SPTBN1: variants seen among roughly 807,000 people sequenced by gnomAD.
The protein encoded by SPTBN1 is spectrin beta chain, non-erythrocytic 1.
In SPTBN1, 32 loss-of-function variants were observed where a neutral mutation model predicts 266.4. The ratio of observed to expected loss-of-function variants is 0.12; its 90% CI spans 0.09 to 0.16. The LOEUF is 0.16. SPTBN1 is among the 10% of genes least tolerant of loss of function. The probability of loss-of-function intolerance (pLI) is 1.00; values close to 1 mark genes in which losing one functional copy is unlikely to be tolerated. For missense variants in SPTBN1, 2,296 were observed against 3,067.1 expected, an observed-to-expected ratio of 0.75 and a Z score of 5.94; for synonymous variants, 1,336 against 1,162.2, an observed-to-expected ratio of 1.15 and a Z score of -3.04.
At position 54,644,429 on chromosome 2, in the gene SPTBN1, C is replaced by T. The variant is rs1383719840; in HGVS notation, c.4112C>T (p.Thr1371Ile). 15 of 1,614,250 alleles carry T rather than the reference C, an allele frequency of 9.3e-6. No homozygotes were observed. The highest frequency in any genetic ancestry group is 1.2e-5 in the Non-Finnish European group (14 of 1,180,046). Residue 1371 changes from threonine (T) to isoleucine (I), a missense_variant, in exon 20 of 36, where the codon ACA becomes ATA. Around this residue, in one of 12 missense-constraint regions of SPTBN1, gnomAD observed 386 missense variants for 486.1 expected, o/e 0.79. Transcript: ENST00000356805. ...GAAGTCCTTGAATCCACTACCCAGACAAAGGCCCAGCGGCTCTTTGATGCA... is the reference window on the plus strand; with the variant it reads ...GAAGTCCTTGAATCCACTACCCAGATAAAGGCCCAGCGGCTCTTTGATGCA... The part of the protein sequence containing the change: ...MWEVLESTTQ[T>I]KAQRLFDANK...
At chr2:54,634,199 G>A (rs1217532498) in intron 17 of SPTBN1, among the ~76,000 whole-genome samples, 5 of 152,226 alleles carry the variant, frequency 3.3e-5, no homozygotes, top group Non-Finnish European at 1.5e-5. Context: ...ATTCAGGCAG[G>A]CATGCAGCTG....
intron 8 of SPTBN1, among the ~76,000 whole-genome samples, chr2:54,622,041 G>T (rs1404034556): frequency 6.6e-6 from 1 of 152,112 alleles, no homozygotes; most frequent in African/African-American, 2.4e-5. Context: ...GAATCTCTTT[G>T]CTTGGGGGTT....
At chr2:54,462,942 C>A (rs747892191) in intron 1 of SPTBN1, among the ~76,000 whole-genome samples, 1 of 152,208 alleles carries the variant, frequency 6.6e-6, no homozygotes, top group South Asian at 2.1e-4. Flanking sequence ...AACTACCACT[C>A]GATTAAATCT....
intron 1 of SPTBN1, among the ~76,000 whole-genome samples, chr2:54,490,376 T>A (rs1668624921): frequency 6.6e-6 from 1 of 152,178 alleles, no homozygotes; most frequent in Non-Finnish European, 1.5e-5. Flanking sequence ...CTGGCCTGTT[T>A]ATGAAGATTT....
intron 4 of SPTBN1, among the ~76,000 whole-genome samples, chr2:54,615,953 G>T (rs1377368714): frequency 1.3e-5 from 2 of 152,202 alleles, no homozygotes; most frequent in African/African-American, 4.8e-5. Context: ...TGTCTCAGGG[G>T]TAAAAATGAC....
Position 54,645,873 on chromosome 2 carries a change from G to A in SPTBN1, c.4495-55G>A, listed in dbSNP as rs1679895025. The A allele has an allele frequency of 6.3e-7, 1 of 1,592,346 alleles. No homozygotes were observed. The highest frequency in any genetic ancestry group is 1.3e-5 in the African/African-American group (1 of 74,518). On this transcript the variant is annotated intron_variant, in intron 21 of 35. Transcript: ENST00000356805. This position sits in a 1 kb window ranked among gnomAD's most constrained non-coding sequence, Gnocchi z 4.3. ...TCACTGCCCCTCACTGCTCGTTTGT[G>A]TCGTATATTTGTTCCTCTGAGTGGA...
In SPTBN1 at chr2:54,558,027, T is replaced by A. The variant is rs139372978; in HGVS notation, c.148+31461T>A. On this transcript the variant is annotated intron_variant, in intron 2 of 35. Transcript: ENST00000356805. The surrounding 1 kb of genome is among the most constrained non-coding windows in gnomAD (Gnocchi z 4.6). ...CGCGGGCCCGGGACCCTTGGGGCTC[T>A]TCACTCTCCAGGCCGTCCCGTGGGC... 3.1e-4 allele frequency: 308 copies of A among 985,252 alleles called. No individual in the cohort carries two copies. Among genetic ancestry groups the A allele is most frequent in the Middle Eastern group, 2.1e-3 (4 of 1,912 alleles). The allele number at this position is 985,252 out of a possible 1,614,324, so 61.0% of individuals were successfully genotyped here.
chr2:54,594,829 G>GTTTATTTTT (rs566074908), intron 2 of SPTBN1, among the ~76,000 whole-genome samples: 2 of 46,386 alleles, frequency 4.3e-5, no homozygotes, highest in Non-Finnish European at 7.5e-5. Context: ...CCTCTGGTAA[G>GTTTATTTTT]TTTCTTTTTT....
intron 26 of SPTBN1, 63 bp downstream of exon 26, chr2:54,650,052 A>T (rs1399094613): frequency 6.6e-7 from 1 of 1,525,324 alleles, no homozygotes; most frequent in Admixed American, 2.0e-5. Flanking sequence ...ATCTTTGGGC[A>T]TCTGTAAGTA....
chr2:54,597,575 G>A (rs780121683), intron 2 of SPTBN1, among the ~76,000 whole-genome samples: 2 of 152,200 alleles, frequency 1.3e-5, no homozygotes, highest in Non-Finnish European at 2.9e-5. Context: ...GCAGGTGGCC[G>A]GGGATCTTGG....
At chr2:54,578,854 G>A (rs1266819664) in intron 2 of SPTBN1, among the ~76,000 whole-genome samples, 1 of 151,844 alleles carries the variant, frequency 6.6e-6, no homozygotes, top group Non-Finnish European at 1.5e-5. Flanking sequence ...ATTCCTAATA[G>A]GATTGTTGGG....
chr2:54,570,627 T>C (rs912267916), intron 2 of SPTBN1, among the ~76,000 whole-genome samples: 1 of 152,206 alleles, frequency 6.6e-6, no homozygotes, highest in Non-Finnish European at 1.5e-5. Flanking sequence ...GGTGTGTGTG[T>C]GCATGTTGCC....
intron 2 of SPTBN1, among the ~76,000 whole-genome samples, chr2:54,542,620 G>C (rs1672001393): frequency 6.6e-6 from 1 of 152,136 alleles, no homozygotes; most frequent in South Asian, 2.1e-4. Flanking sequence ...GATCCCTCTG[G>C]GGACACTGTG....
At chr2:54,516,753 G>T (rs990009041) in intron 1 of SPTBN1, among the ~76,000 whole-genome samples, 4 of 152,170 alleles carry the variant, frequency 2.6e-5, no homozygotes, top group African/African-American at 9.7e-5. Context: ...TTTTGTCAAG[G>T]TTAGGGACAC....
At position 54,550,988 on chromosome 2, in the gene SPTBN1, C is replaced by T. The variant is rs1672536407; in HGVS notation, c.148+24422C>T. The stretch of plus-strand genomic sequence containing the variant: ...TTCTCCTACCCTCTCCAAGTGCCTG[C>T]CCTACCTGCCCTTTTCACATTTTCT... On this transcript the variant is annotated intron_variant, in intron 2 of 35. Transcript: ENST00000356805. Among the ~76,000 whole-genome samples the T allele has an allele frequency of 1.3e-5, 2 of 152,170 alleles. 1 individual carries two copies. Among genetic ancestry groups the T allele is most frequent in the South Asian group, 4.1e-4 (2 of 4,830 alleles).
Position 54,628,307 on chromosome 2 carries a change from G to A in SPTBN1, c.1798+57G>A. 2.0e-6 allele frequency: 3 copies of A among 1,530,972 alleles called. No individual in the cohort carries two copies. The highest frequency in any genetic ancestry group is 2.6e-6 in the Non-Finnish European group (3 of 1,140,288). The allele number at this position is 1,530,972 out of a possible 1,614,324, so 94.8% of individuals were successfully genotyped here. A position where few individuals can be genotyped will look rare whatever the true frequency, so the allele number is the denominator to read the frequency against. ...GGGTCACCAGAGATTCATATTTATA[G>A]AAACACAGTGGGGCTTTTGAAGTTA... is the stretch of plus-strand genomic sequence containing the variant. On this transcript the variant is annotated intron_variant, in intron 13 of 35. Coordinates refer to ENST00000356805, the MANE Select transcript of SPTBN1 (RefSeq NM_003128.3). The surrounding 1 kb of genome is among the most constrained non-coding windows in gnomAD (Gnocchi z 4.3).
rs540129561 is a variant in SPTBN1 at position 54,540,429 on chromosome 2, G to A, written c.148+13863G>A. Among the ~76,000 whole-genome samples the A allele has an allele frequency of 1.1e-4, 16 of 152,292 alleles. No individual in the cohort carries two copies. The South Asian group carries it at 2.5e-3, about 24-fold the overall frequency. On this transcript the variant is annotated intron_variant, in intron 2 of 35. Transcript: ENST00000356805. This position sits in a 1 kb window ranked among gnomAD's most constrained non-coding sequence, Gnocchi z 5.6. Reference sequence around the variant, plus strand: ...GAAGCCATTACACAGTGACTCACACGTCCTTTACTGTGGATTTGGCCCCTG... The same window carrying A: ...GAAGCCATTACACAGTGACTCACACATCCTTTACTGTGGATTTGGCCCCTG...
chr2:54,654,825 G>A (rs901778683), intron 27 of SPTBN1, among the ~76,000 whole-genome samples: 1 of 152,092 alleles, frequency 6.6e-6, no homozygotes, highest in Non-Finnish European at 1.5e-5. Flanking sequence ...AATTATTCAG[G>A]CACACACACA....
chr2:54,584,650 C>A (rs1477603870), intron 2 of SPTBN1, among the ~76,000 whole-genome samples: 1 of 152,174 alleles, frequency 6.6e-6, no homozygotes, highest in Non-Finnish European at 1.5e-5. Flanking sequence ...GTTTCCAGCC[C>A]TTCCCACCCA....
Sources: allele counts gnomAD v4.1 joint callset (sites outside exome capture counted in the v4.1 genomes callset), GRCh38; gene constraint gnomAD v4.1.1; regional missense constraint gnomAD v4.1.1; non-coding constraint Gnocchi (gnomAD v3.1); transcripts MANE v1.5; gene names NCBI Gene and HGNC (gene_info 2026-07-23, HGNC 2026-07-21).